EIF4E3: variants seen among roughly 807,000 people sequenced by gnomAD.
The protein encoded by EIF4E3 is eukaryotic translation initiation factor 4E type 3.
EIF4E3 carries 26 observed loss-of-function variants against 31.7 expected under a neutral mutation model. That is an observed-to-expected ratio of 0.82 (90% confidence interval 0.60 to 1.14). The LOEUF is 1.14. Among genes scored for constraint, EIF4E3 ranks in the 50% most tolerant of loss-of-function variants. The pLI is 0.00. For missense variants in EIF4E3, 304 were observed against 270.9 expected (o/e 1.12, Z -0.86); for synonymous variants, 128 against 107.7 (o/e 1.19, Z -1.17).
intron 1 of EIF4E3, among the ~76,000 whole-genome samples, chr3:71,746,863 T>C (rs2108160175): frequency 6.6e-6 from 1 of 152,350 alleles, no homozygotes; most frequent in East Asian, 1.9e-4. Flanking sequence ...GGGCATTTCA[T>C]GTAAGTGGAT....
At chr3:71,716,232 T>G (rs1435277381) in intron 1 of EIF4E3, among the ~76,000 whole-genome samples, 1 of 150,956 alleles carries the variant, frequency 6.6e-6, no homozygotes, top group Non-Finnish European at 1.5e-5. Flanking sequence ...TTGAAAGCAT[T>G]TTATCCTTTT....
At chr3:71,732,978 G>A (rs2049722561) in intron 1 of EIF4E3, among the ~76,000 whole-genome samples, 1 of 152,220 alleles carries the variant, frequency 6.6e-6, no homozygotes, top group Non-Finnish European at 1.5e-5. Flanking sequence ...TCAAAAAAAG[G>A]TCACCCAAGT....
chr3:71,705,292 G>C (rs1462291972), intron 2 of EIF4E3, among the ~76,000 whole-genome samples: 2 of 152,172 alleles, frequency 1.3e-5, no homozygotes, highest in Non-Finnish European at 2.9e-5. Flanking sequence ...CAAGGGTTTG[G>C]AAAGCAATCT....
At chr3:71,735,675 T>G (rs57051898) in intron 1 of EIF4E3, among the ~76,000 whole-genome samples, 26,669 of 152,010 alleles carry the variant, frequency 0.18, 2,399 homozygotes, top group East Asian at 0.32. Context: ...TGTGGGGAGG[T>G]TATTAGAGCA....
chr3:71,664,744 G>A, the EIF4E3 span, among the ~76,000 whole-genome samples: 5 of 152,138 alleles, frequency 3.3e-5, no homozygotes, highest in Non-Finnish European at 7.4e-5. Context: ...GTGTGGTGGT[G>A]TGTGCCTATA....
chr3:71,708,952 GC>G (rs2049335091), intron 2 of EIF4E3, among the ~76,000 whole-genome samples: 1 of 152,040 alleles, frequency 6.6e-6, no homozygotes. Flanking sequence ...ACCAGAAATG[GC>G]CCACAGTCAG....
intron 2 of EIF4E3, among the ~76,000 whole-genome samples, chr3:71,706,328 C>T (rs1184095204): frequency 3.3e-5 from 5 of 152,088 alleles, no homozygotes; most frequent in South Asian, 2.1e-4. Flanking sequence ...AACTAATAGA[C>T]GGGGTAACGA....
At chr3:71,687,465 C>T (rs1477807297) in intron 6 of EIF4E3, among the ~76,000 whole-genome samples, 1 of 151,332 alleles carries the variant, frequency 6.6e-6, no homozygotes, top group Admixed American at 6.6e-5. Context: ...TCTTTTTTTT[C>T]CAACCACTGA....
chr3:71,704,701 G>C (rs1363371800), intron 2 of EIF4E3, among the ~76,000 whole-genome samples: 2 of 152,210 alleles, frequency 1.3e-5, no homozygotes, highest in Non-Finnish European at 2.9e-5. Flanking sequence ...GGAGGGGTCA[G>C]GGGTATTTCT....
upstream of EIF4E3, chr3:71,754,334 C>T (rs753481048): frequency 1.0e-5 from 13 of 1,267,248 alleles, no homozygotes; most frequent in South Asian, 3.0e-4. The surrounding 1 kb of genome is among the most constrained non-coding windows in gnomAD (Gnocchi z 5.8). Context: ...CGCTGGGCTG[C>T]AAGCTGCTCG....
intron 1 of EIF4E3, among the ~76,000 whole-genome samples, chr3:71,731,196 G>A (rs2108135583): frequency 6.6e-6 from 1 of 152,194 alleles, no homozygotes; most frequent in South Asian, 2.1e-4. Context: ...CTCAAACACT[G>A]GTTTGCTTCT....
At chr3:71,690,296 G>C in intron 5 of EIF4E3, 131 bp from the exon 6 acceptor site, 1 of 1,050,514 alleles carries the variant, frequency 9.5e-7, no homozygotes, top group Non-Finnish European at 1.3e-6. Context: ...AAGATAACTT[G>C]TAAGAAATAA....
At chr3:71,752,332 C>T (rs945837881) in intron 1 of EIF4E3, among the ~76,000 whole-genome samples, 5 of 152,166 alleles carry the variant, frequency 3.3e-5, no homozygotes, top group African/African-American at 1.2e-4. Flanking sequence ...TCTGTCATCC[C>T]TCCTCAACAC....
chr3:71,689,902 T>C, intron 6 of EIF4E3, 108 bp downstream of exon 6: 13 of 1,099,652 alleles, frequency 1.2e-5, no homozygotes, highest in Non-Finnish European at 1.6e-5. Context: ...TTTTCTGAAT[T>C]ATCAAATTTC....
chr3:71,697,862 C>A (rs574948348), intron 3 of EIF4E3, among the ~76,000 whole-genome samples: 136 of 152,248 alleles, frequency 8.9e-4, no homozygotes, highest in African/African-American at 2.8e-3. Flanking sequence ...GTGAATGGTA[C>A]TACAATAAAC....
chr3:71,698,106 T>G (rs562691811), intron 3 of EIF4E3, among the ~76,000 whole-genome samples: 1 of 152,334 alleles, frequency 6.6e-6, no homozygotes, highest in East Asian at 1.9e-4. Flanking sequence ...TAAAAGCCAT[T>G]TTAACGGGGG....
rs1213606436 is a variant in EIF4E3 at position 71,682,916 on chromosome 3, T to A, written c.*1766A>T. ...CTTTTTTCAATCAGAAAAATACTTA[T>A]ATTATAAAAAAGTTTTAATTCATGT... is the stretch of plus-strand genomic sequence containing the variant. On this transcript the variant is annotated 3_prime_UTR_variant, in exon 7 of 7. Coordinates refer to ENST00000425534, the MANE Select transcript of EIF4E3 (RefSeq NM_001134651.2). 6.6e-6 allele frequency: 1 copy of A among 152,502 alleles called. No homozygotes were observed. 9.4% of individuals were successfully genotyped at this position (152,502 alleles called of 1,614,324 possible).
intron 2 of EIF4E3, among the ~76,000 whole-genome samples, chr3:71,700,229 T>G (rs2049196544): frequency 6.6e-6 from 1 of 152,108 alleles, no homozygotes; most frequent in Non-Finnish European, 1.5e-5. Flanking sequence ...TCCTTGCTGA[T>G]GCTGTGCCAA....
At chr3:71,699,092 T>G (rs1320538093) in intron 3 of EIF4E3, among the ~76,000 whole-genome samples, 1 of 151,960 alleles carries the variant, frequency 6.6e-6, no homozygotes, top group Non-Finnish European at 1.5e-5. Flanking sequence ...TTGGGGGTGG[T>G]GGCACACACC....
Sources: gnomAD v4.1 joint callset for allele counts (sites outside exome capture counted in the v4.1 genomes callset) on GRCh38, gnomAD v4.1.1 for gene constraint, Gnocchi (gnomAD v3.1) non-coding constraint, MANE v1.5 for transcripts, NCBI Gene and HGNC (gene_info 2026-07-23, HGNC 2026-07-21) for gene names.